The following ALDH6A1 variants were observed in gnomAD, a reference collection of about 807,000 sequenced individuals.
ALDH6A1 encodes aldehyde dehydrogenase 6 family member A1, also known as methylmalonate-semialdehyde/malonate-semialdehyde dehydrogenase [acylating], mitochondrial.
ALDH6A1 carries 43 observed loss-of-function variants against 62.6 expected under a neutral mutation model. That is an observed-to-expected ratio of 0.69 (90% CI 0.54 to 0.89). ALDH6A1 has a LOEUF of 0.89. Among genes scored for constraint, ALDH6A1 ranks in the 40% least tolerant of loss-of-function variants. ALDH6A1 has a pLI of 0.00. For missense variants in ALDH6A1, 551 were observed against 661.3 expected (o/e 0.83, Z 1.83); for synonymous variants, 194 against 234.2 (o/e 0.83, Z 1.57).
Position 74,067,514 on chromosome 14 carries a change from T to C in ALDH6A1, c.908A>G (p.Asn303Ser), listed in dbSNP as rs376852895. The change falls in exon 8 of 12, where the codon AAC (asparagine) becomes AGC (serine). Residue 303 changes from asparagine to serine, a missense_variant. Transcript: ENST00000553458. The part of the protein sequence containing the change: ...MPDANKENTL[N>S]QLVGAAFGAA... The stretch of plus-strand genomic sequence containing the variant: ...TCCAAATGCTGCCCCAACCAGCTGG[T>C]TCAGGGTATTTTCCTTATTGGCATC... The C allele has an allele frequency of 3.8e-5, 61 of 1,614,026 alleles. No individual in the cohort carries two copies. The highest frequency in any genetic ancestry group is 4.9e-5 in the Non-Finnish European group (58 of 1,180,044).
At position 74,071,407 on chromosome 14, in the gene ALDH6A1, C is replaced by T. The variant is rs374613552; in HGVS notation, c.518G>A (p.Arg173His). The change falls in exon 6 of 12, where the codon CGT (arginine) becomes CAT (histidine). Residue 173 changes from arginine to histidine, a missense_variant. Arg to His is a conservative substitution (Grantham distance 29). Transcript: ENST00000553458. ...ITKDMDLYSY[R>H]LPLGVCAGIA... ...GCCTGCACACACTCCCAGAGGCAGACGGTAGGAATAAAGGTCCATGTCTTT... is the reference window on the plus strand; with the variant it reads ...GCCTGCACACACTCCCAGAGGCAGATGGTAGGAATAAAGGTCCATGTCTTT... 10 of 1,613,978 alleles carry T rather than the reference C, an allele frequency of 6.2e-6. No individual in the cohort carries two copies. The highest frequency in any genetic ancestry group is 1.7e-5 in the Admixed American group (1 of 59,988).
Position 74,059,621 on chromosome 14 carries a change from G to T in ALDH6A1, c.*1021C>A. 4.2e-6 allele frequency: 1 copy of T among 240,794 alleles called. No individual in the cohort carries two copies. The highest frequency in any genetic ancestry group is 4.5e-5 in the South Asian group (1 of 22,214). 14.9% of individuals were successfully genotyped at this position (240,794 alleles called of 1,614,324 possible). On this transcript the variant is annotated 3_prime_UTR_variant, in exon 12 of 12. Transcript: ENST00000553458. ...GAGGCAGGAGAATCGCTTGAACCTG[G>T]GAGGCGGAGGTTGCGGTGAGCTGAG...
chr14:74,077,204 G>A (rs930421360), intron 1 of ALDH6A1, among the ~76,000 whole-genome samples: 3 of 152,160 alleles, frequency 2.0e-5, no homozygotes, highest in Admixed American at 6.6e-5. Flanking sequence ...GGTAGTAGGT[G>A]TTCAGTAAAT....
At chr14:74,064,352 C>G (rs10047829) in intron 11 of ALDH6A1, among the ~76,000 whole-genome samples, 36,385 of 150,918 alleles carry the variant, frequency 0.24, 4,966 homozygotes, top group South Asian at 0.47. Flanking sequence ...CTACAAAGAA[C>G]GTGCTCAACA....
intron 11 of ALDH6A1, among the ~76,000 whole-genome samples, chr14:74,062,512 A>G (rs529141744): frequency 6.6e-6 from 1 of 152,230 alleles, no homozygotes; most frequent in South Asian, 2.1e-4. Flanking sequence ...TAGATACGAG[A>G]ATTGCTTGAA....
rs186193152 is a variant in ALDH6A1 at position 74,074,691 on chromosome 14, A to G, written c.111+264T>C. The stretch of plus-strand genomic sequence containing the variant: ...ATTTTAGATGCTGGAAGTGGTTGAC[A>G]GACAGATGATCTGTAAAAACCACTC... On this transcript the variant is annotated intron_variant, in intron 2 of 11. Coordinates refer to ENST00000553458, the MANE Select transcript of ALDH6A1 (RefSeq NM_005589.4). Among the ~76,000 whole-genome samples the G allele has an allele frequency of 2.6e-3, 398 of 152,308 alleles. 3 individuals carry two copies. The highest frequency in any genetic ancestry group is 9.2e-3 in the African/African-American group (384 of 41,572).
Position 74,084,364 on chromosome 14 carries a change from G to A in ALDH6A1, c.31C>T (p.Arg11Ter), listed in dbSNP as rs767465021. The change falls in exon 1 of 12, where the codon CGA (arginine) becomes TGA (stop). Residue 11 changes from arginine (R) to a stop codon, truncating the protein, a stop_gained. Coordinates refer to ENST00000553458, the MANE Select transcript of ALDH6A1 (RefSeq NM_005589.4). LOFTEE classifies it high-confidence loss of function. ...TCACTCGCCTGCAGGATCCGGGCTC[G>A]CACTGCCGCCGCCGCCAATAGCGCC... MAALLAAAAV[R>*]ARILQVSSKV... The A allele has an allele frequency of 6.2e-7, 1 of 1,613,108 alleles. No homozygotes were observed. The highest frequency in any genetic ancestry group is 8.5e-7 in the Non-Finnish European group (1 of 1,179,818).
At chr14:74,068,795 G>A (rs2060508173) in intron 7 of ALDH6A1, 65 bp downstream of exon 7, 2 of 1,577,382 alleles carry the variant, frequency 1.3e-6, no homozygotes, top group East Asian at 2.3e-5. Context: ...CTCTGCTGAA[G>A]GTCTGTTCCT....
At chr14:74,072,072 C>T in intron 4 of ALDH6A1, 98 bp from the exon 5 acceptor site, 1 of 1,563,184 alleles carries the variant, frequency 6.4e-7, no homozygotes, top group African/African-American at 1.4e-5. Flanking sequence ...AGATGCAGTA[C>T]AAGGGAGAGA....
At chr14:74,083,375 G>A (rs2060689217) in intron 1 of ALDH6A1, among the ~76,000 whole-genome samples, 1 of 152,144 alleles carries the variant, frequency 6.6e-6, no homozygotes, top group Non-Finnish European at 1.5e-5. Flanking sequence ...CCATGAACAG[G>A]GGAAAGACTA....
intron 1 of ALDH6A1, 44 bp downstream of exon 1, chr14:74,084,303 T>A: frequency 1.2e-6 from 2 of 1,613,216 alleles, no homozygotes; most frequent in Non-Finnish European, 1.7e-6. Flanking sequence ...ACGGAAAGGA[T>A]CCAATTCCTA....
intron 7 of ALDH6A1, among the ~76,000 whole-genome samples, chr14:74,068,001 A>G (rs2060496522): frequency 6.6e-6 from 1 of 151,348 alleles, no homozygotes; most frequent in Non-Finnish European, 1.5e-5. Flanking sequence ...CAATGTTAAA[A>G]AAAAAAAAAA....
At position 74,057,012 on chromosome 14, in the gene ALDH6A1, G is replaced by A. The variant is rs1409465938; in HGVS notation, c.*3630C>T. On this transcript the variant is annotated 3_prime_UTR_variant, in exon 12 of 12. Coordinates refer to ENST00000553458, the MANE Select transcript of ALDH6A1 (RefSeq NM_005589.4). ...GCTCTCTTGCTTAAGTAATAAACAT[G>A]AGCCCAACACGATGGTTCTTGTGGG... The A allele has an allele frequency of 2.5e-6, 4 of 1,594,246 alleles. No individual in the cohort carries two copies. The highest frequency in any genetic ancestry group is 1.1e-5 in the South Asian group (1 of 90,196).
intron 11 of ALDH6A1, among the ~76,000 whole-genome samples, chr14:74,063,953 C>A (rs1434672992): frequency 6.6e-6 from 1 of 151,780 alleles, no homozygotes; most frequent in Non-Finnish European, 1.5e-5. Flanking sequence ...CAATTTGGTT[C>A]CAGATCTGCT....
In ALDH6A1 at chr14:74,080,518, C is replaced by T. The variant is rs139136596; in HGVS notation, c.48+3829G>A. Among the ~76,000 whole-genome samples, 465 of 152,168 alleles carry T rather than the reference C, an allele frequency of 3.1e-3. 2 individuals carry two copies. Among genetic ancestry groups the T allele is most frequent in the Middle Eastern group, 6.8e-3 (2 of 294 alleles). On this transcript the variant is annotated intron_variant, in intron 1 of 11. Transcript: ENST00000553458. The stretch of plus-strand genomic sequence containing the variant: ...AAGTACCTGGGACCACAGGTGCACA[C>T]GACCTCGCTCTCAGGCTCAAGTGAT...
chr14:74,066,940 C>T, intron 8 of ALDH6A1, 54 bp from the exon 9 acceptor site: 2 of 1,535,826 alleles, frequency 1.3e-6, no homozygotes, highest in African/African-American at 1.4e-5. Flanking sequence ...ATTATGACTG[C>T]TGCCAGGGCT....
intron 2 of ALDH6A1, 94 bp from the exon 3 acceptor site, chr14:74,072,705 A>G: frequency 7.2e-7 from 1 of 1,394,514 alleles, no homozygotes; most frequent in South Asian, 1.2e-5. Flanking sequence ...CACCAAAAGG[A>G]AAGAAAACAA....
intron 1 of ALDH6A1, 90 bp downstream of exon 1, chr14:74,084,241 AAAGGGGTTGGGCCAAG>A: frequency 1.3e-6 from 2 of 1,557,288 alleles, no homozygotes; most frequent in Non-Finnish European, 1.8e-6. Context: ...GTCTGGCCAA[AAAGGGGTTGGGCCAAG>A]AAGGTGGTCC....
At chr14:74,080,775 C>T (rs2060661658) in intron 1 of ALDH6A1, among the ~76,000 whole-genome samples, 1 of 152,158 alleles carries the variant, frequency 6.6e-6, no homozygotes, top group Non-Finnish European at 1.5e-5. Flanking sequence ...AGTTTCCATC[C>T]CATAATCAGA....
Sources: allele counts gnomAD v4.1 joint callset (sites outside exome capture counted in the v4.1 genomes callset), GRCh38; gene constraint gnomAD v4.1.1; transcripts MANE v1.5; gene names NCBI Gene and HGNC (gene_info 2026-07-23, HGNC 2026-07-21).